SPATA1: variants seen among roughly 807,000 people sequenced by gnomAD.
SPATA1 encodes the protein spermatogenesis-associated protein 1.
In SPATA1, 57 loss-of-function variants were observed where a neutral mutation model predicts 59.6. The observed-to-expected ratio is 0.96, with a 90% CI of 0.77 to 1.19. SPATA1 has a LOEUF of 1.19. Among genes scored for constraint, SPATA1 ranks in the 50% most tolerant of loss-of-function variants. The pLI is 0.00. For missense variants in SPATA1, 448 were observed against 480.7 expected (o/e 0.93, Z 0.64); for synonymous variants, 147 against 163.9 (o/e 0.90, Z 0.79).
chr1:84,512,447 AT>A (rs1386884187), intron 1 of SPATA1, among the ~76,000 whole-genome samples: 2 of 152,218 alleles, frequency 1.3e-5, no homozygotes, highest in African/African-American at 4.8e-5. Context: ...ATATTTAAAC[AT>A]AGCCCATGTC....
At chr1:84,533,028 G>C in intron 7 of SPATA1, 54 bp downstream of exon 7, 2 of 1,214,838 alleles carry the variant, frequency 1.6e-6, no homozygotes, top group Non-Finnish European at 2.3e-6. Context: ...ATAAGAAAAA[G>C]AGTAAGATAT....
Position 84,550,437 on chromosome 1 carries a change from C to G in SPATA1, c.1131C>G (p.Tyr377Ter), listed in dbSNP as rs991958742. ...ATATCTATCTATCCACACAGAATTA[C>G]CTAATAATCCAGATCACTGAGGTAC... The change falls in exon 12 of 13, where the codon TAC becomes TAG. Residue 377 changes from tyrosine (Y) to a stop codon, truncating the protein, a stop_gained. Coordinates refer to ENST00000490879, the Ensembl canonical transcript of SPATA1. LOFTEE classifies it high-confidence loss of function. 7.9e-6 allele frequency: 12 copies of G among 1,519,106 alleles called. No homozygotes were observed. Among genetic ancestry groups the G allele is most frequent in the Non-Finnish European group, 1.1e-5 (12 of 1,126,582 alleles). 94.1% of individuals were successfully genotyped at this position (1,519,106 alleles called of 1,614,324 possible). A position where few individuals can be genotyped will look rare whatever the true frequency, so the allele number is the denominator to read the frequency against.
downstream of SPATA1, among the ~76,000 whole-genome samples, chr1:84,555,468 G>GT (rs768706959): frequency 8.5e-5 from 13 of 152,158 alleles, no homozygotes; most frequent in Admixed American, 2.0e-4. Context: ...ATTTATCAGG[G>GT]TATTTCGTTC....
At chr1:84,558,570 C>T (rs1172325788), downstream of SPATA1, among the ~76,000 whole-genome samples, 3 of 149,766 alleles carry the variant, frequency 2.0e-5, no homozygotes, top group Non-Finnish European at 4.4e-5. Flanking sequence ...GGATTACAGG[C>T]GTGAGCCACC....
In SPATA1 at chr1:84,516,412, A is replaced by G. The variant is rs1196063631; in HGVS notation, c.36+17A>G. The G allele has an allele frequency of 7.2e-7, 1 of 1,383,746 alleles. No homozygotes were observed. The highest frequency in any genetic ancestry group is 9.7e-7 in the Non-Finnish European group (1 of 1,029,920). The allele number at this position is 1,383,746 out of a possible 1,614,324, so 85.7% of individuals were successfully genotyped here. On this transcript the variant is annotated intron_variant, in intron 2 of 12. Transcript: ENST00000490879. Reference sequence around the variant, plus strand: ...TCATCAGAGGTAAGAAAATCTTTTTATACTAAAATATAAGAAAGACCTGCT... The same window carrying G: ...TCATCAGAGGTAAGAAAATCTTTTTGTACTAAAATATAAGAAAGACCTGCT...
At chr1:84,529,394 T>A (rs990593593) in intron 6 of SPATA1, among the ~76,000 whole-genome samples, 1 of 152,034 alleles carries the variant, frequency 6.6e-6, no homozygotes, top group Non-Finnish European at 1.5e-5. Flanking sequence ...TGAATAAATA[T>A]TTGTTGAAAA....
At chr1:84,527,302 C>T (rs1006732218) in intron 6 of SPATA1, among the ~76,000 whole-genome samples, 8 of 151,396 alleles carry the variant, frequency 5.3e-5, no homozygotes, top group African/African-American at 1.9e-4. Flanking sequence ...AATTTTTTTC[C>T]TATTGATTCT....
intron 8 of SPATA1, among the ~76,000 whole-genome samples, chr1:84,537,060 A>G (rs146255178): frequency 0.054 from 8,206 of 151,246 alleles, 309 homozygotes; most frequent in Non-Finnish European, 0.077. Context: ...TTGTAGTTTT[A>G]GTAGAGACAG....
At chr1:84,528,171 TAAC>T (rs1683310170) in intron 6 of SPATA1, among the ~76,000 whole-genome samples, 1 of 152,230 alleles carries the variant, frequency 6.6e-6, no homozygotes, top group South Asian at 2.1e-4. Context: ...CCAGTAGAGA[TAAC>T]TACTACTTTG....
chr1:84,544,233 A>T (rs1220015847), exon 9 of SPATA1: 8 of 1,601,226 alleles, frequency 5.0e-6, no homozygotes, highest in Non-Finnish European at 6.8e-6. Context: ...ACCCTACCAG[A>T]TCACCCTTCA....
At chr1:84,524,725 C>T (rs2101947366) in intron 4 of SPATA1, among the ~76,000 whole-genome samples, 1 of 152,298 alleles carries the variant, frequency 6.6e-6, no homozygotes, top group African/African-American at 2.4e-5. Flanking sequence ...CAGGACTTAG[C>T]TCAAGTATTA....
At chr1:84,526,925 T>C (rs1313199202) in intron 6 of SPATA1, among the ~76,000 whole-genome samples, 1 of 147,860 alleles carries the variant, frequency 6.8e-6, no homozygotes, top group African/African-American at 2.5e-5. Context: ...AAAATTAAAC[T>C]CATAAATACA....
downstream of SPATA1, among the ~76,000 whole-genome samples, chr1:84,567,192 A>G (rs1684715666): frequency 6.6e-6 from 1 of 152,236 alleles, no homozygotes; most frequent in South Asian, 2.1e-4. Context: ...AGTTCCCTTT[A>G]TAATTCCGTG....
At chr1:84,520,387 GA>G in intron 2 of SPATA1, 197 bp from the exon 3 acceptor site, 1 of 472,326 alleles carries the variant, frequency 2.1e-6, no homozygotes, top group Non-Finnish European at 3.7e-6. Flanking sequence ...GTTGCCAAGG[GA>G]AAATGTACTC....
exon 13 of SPATA1, chr1:84,554,258 A>C (rs185748230): frequency 1.3e-5 from 2 of 152,380 alleles, no homozygotes; most frequent in Non-Finnish European, 2.9e-5. Context: ...AATCAAGTTC[A>C]ACTGCAAGTT....
chr1:84,510,177 T>TAAAAAC (rs1682474909), intron 1 of SPATA1, among the ~76,000 whole-genome samples: 1 of 151,626 alleles, frequency 6.6e-6, no homozygotes, highest in African/African-American at 2.4e-5. Context: ...AAAATAAAAA[T>TAAAAAC]AAAAACCTGC....
intron 12 of SPATA1, chr1:84,551,045 A>C: frequency 1.0e-6 from 1 of 985,312 alleles, no homozygotes; most frequent in Non-Finnish European, 1.2e-6. Flanking sequence ...CCTTTTGTAT[A>C]GCAGATGCTT....
At chr1:84,539,505 C>T (rs12125418) in intron 8 of SPATA1, among the ~76,000 whole-genome samples, 1 of 151,984 alleles carries the variant, frequency 6.6e-6, no homozygotes. Flanking sequence ...AAAATGTTTT[C>T]CACTCTGGTG....
chr1:84,534,889 C>T (rs144962998), intron 8 of SPATA1, among the ~76,000 whole-genome samples: 1 of 152,214 alleles, frequency 6.6e-6, no homozygotes, highest in African/African-American at 2.4e-5. Flanking sequence ...AACAAATATA[C>T]TACATTTTCT....
Sources: allele counts gnomAD v4.1 joint callset (sites outside exome capture counted in the v4.1 genomes callset), GRCh38; gene constraint gnomAD v4.1.1; transcripts MANE v1.5; gene names NCBI Gene and HGNC (gene_info 2026-07-23, HGNC 2026-07-21).